ROBO2: variants seen among roughly 807,000 people sequenced by gnomAD.
ROBO2 encodes the protein roundabout homolog 2.
Under a neutral mutation model 160.8 loss-of-function variants are expected in ROBO2, and 53 were observed. That is an observed-to-expected ratio of 0.33 (90% CI 0.26 to 0.41). The LOEUF (loss-of-function observed/expected upper bound fraction) is 0.41, where lower values mean the gene tolerates loss of function less well. Ranked by LOEUF, ROBO2 falls within the 10% of genes least tolerant of loss-of-function variation. The pLI, the probability that ROBO2 is intolerant of heterozygous loss-of-function variation, is 1.00. For missense variants in ROBO2, 1,577 were observed against 1,722.4 expected (o/e 0.92, Z 1.49); for synonymous variants, 664 against 611.7 (o/e 1.09, Z -1.26).
chr3:76,551,106 T>C (rs1042446519), intron 2 of ROBO2, among the ~76,000 whole-genome samples: 1 of 151,778 alleles, frequency 6.6e-6, no homozygotes, highest in African/African-American at 2.4e-5. Context: ...CTTTTTCCAG[T>C]CCCACCCATG....
At chr3:77,400,756 C>G (rs1435927752) in intron 2 of ROBO2, among the ~76,000 whole-genome samples, 1 of 152,080 alleles carries the variant, frequency 6.6e-6, no homozygotes, top group Non-Finnish European at 1.5e-5. Context: ...ATTCTCACAT[C>G]TACTCCATGA....
chr3:76,908,938 A>G (rs562188011), intron 2 of ROBO2, among the ~76,000 whole-genome samples: 1 of 152,162 alleles, frequency 6.6e-6, no homozygotes, highest in Admixed American at 6.5e-5. Flanking sequence ...TTCTTAAAAC[A>G]ATTTCTAGTT....
chr3:76,790,930 T>A (rs1023836266), intron 2 of ROBO2, among the ~76,000 whole-genome samples: 2 of 151,648 alleles, frequency 1.3e-5, no homozygotes, highest in African/African-American at 4.8e-5. Flanking sequence ...TCTTCTTTAG[T>A]TAAATGGGAA....
intron 2 of ROBO2, among the ~76,000 whole-genome samples, chr3:76,208,938 G>A (rs987595392): frequency 6.6e-6 from 1 of 152,010 alleles, no homozygotes; most frequent in African/African-American, 2.4e-5. Context: ...GCATTTGGAG[G>A]TCGTTTTGCA....
chr3:77,230,828 CT>C (rs1167645589), intron 2 of ROBO2, among the ~76,000 whole-genome samples: 1 of 152,070 alleles, frequency 6.6e-6, no homozygotes, highest in Non-Finnish European at 1.5e-5. Context: ...TAAAATTAGA[CT>C]TTTTTAATGC....
chr3:76,435,813 C>CT (rs1404910774), intron 2 of ROBO2, among the ~76,000 whole-genome samples: 4 of 152,094 alleles, frequency 2.6e-5, no homozygotes, highest in African/African-American at 4.8e-5. Context: ...ACTGGTTAAT[C>CT]TTTTTTTAAC....
At chr3:76,032,892 T>A (rs1372109397) in intron 2 of ROBO2, among the ~76,000 whole-genome samples, 1 of 152,152 alleles carries the variant, frequency 6.6e-6, no homozygotes, top group Non-Finnish European at 1.5e-5. Flanking sequence ...ATCACACACA[T>A]TGAAGTTAGT....
intron 2 of ROBO2, among the ~76,000 whole-genome samples, chr3:77,449,722 C>T (rs1259443621): frequency 6.6e-6 from 1 of 152,004 alleles, no homozygotes; most frequent in Non-Finnish European, 1.5e-5. Context: ...ATGACTTCCA[C>T]GTGCTTAGCT....
chr3:76,582,132 C>G (rs917163021), intron 2 of ROBO2, among the ~76,000 whole-genome samples: 1 of 152,102 alleles, frequency 6.6e-6, no homozygotes, highest in Non-Finnish European at 1.5e-5. Flanking sequence ...TGATTTTATT[C>G]TTAACATTAA....
intron 2 of ROBO2, among the ~76,000 whole-genome samples, chr3:76,502,750 C>T (rs771688233): frequency 2.3e-4 from 35 of 152,036 alleles, no homozygotes; most frequent in Non-Finnish European, 4.4e-4. Flanking sequence ...GATTTGAACA[C>T]GGTGGCATAG....
chr3:75,970,894 A>C (rs2064972744), intron 2 of ROBO2, among the ~76,000 whole-genome samples: 1 of 151,238 alleles, frequency 6.6e-6, no homozygotes, highest in Non-Finnish European at 1.5e-5. Flanking sequence ...ATGAATATGA[A>C]ATTAACCTCA....
At chr3:77,399,925 T>C (rs2075640577) in intron 2 of ROBO2, among the ~76,000 whole-genome samples, 1 of 152,104 alleles carries the variant, frequency 6.6e-6, no homozygotes, top group African/African-American at 2.4e-5. Flanking sequence ...AGCTTGACAC[T>C]ATGATGCAGG....
chr3:77,478,779 G>C (rs571231469), intron 3 of ROBO2, among the ~76,000 whole-genome samples: 1 of 152,182 alleles, frequency 6.6e-6, no homozygotes, highest in Admixed American at 6.5e-5. Flanking sequence ...TTTTTCCTCT[G>C]TGCACAGTGA....
chr3:77,308,759 A>G (rs1157600213), intron 2 of ROBO2, among the ~76,000 whole-genome samples: 2 of 152,206 alleles, frequency 1.3e-5, no homozygotes, highest in Non-Finnish European at 2.9e-5. Flanking sequence ...TTACTTGGAC[A>G]TACTGTATTT....
At chr3:76,640,011 A>G (rs1245724474) in intron 2 of ROBO2, among the ~76,000 whole-genome samples, 1 of 152,230 alleles carries the variant, frequency 6.6e-6, no homozygotes, top group African/African-American at 2.4e-5. Context: ...GTTATGATTC[A>G]GCAAGTCTGC....
chr3:76,494,364 G>C (rs940946452), intron 2 of ROBO2, among the ~76,000 whole-genome samples: 2 of 152,120 alleles, frequency 1.3e-5, no homozygotes, highest in African/African-American at 4.8e-5. Flanking sequence ...CATGACACAG[G>C]AGTCTTCAAA....
chr3:76,710,549 T>G (rs535810254), intron 2 of ROBO2, among the ~76,000 whole-genome samples: 7 of 152,158 alleles, frequency 4.6e-5, no homozygotes, highest in African/African-American at 1.7e-4. Context: ...GAAAACTGCC[T>G]TTTGGATTTG....
intron 2 of ROBO2, among the ~76,000 whole-genome samples, chr3:75,957,705 G>GT (rs201505991): frequency 7.0e-4 from 101 of 144,236 alleles, no homozygotes; most frequent in African/African-American, 9.8e-4. Flanking sequence ...TACTAAGAGG[G>GT]TTTTTTTTTT....
intron 2 of ROBO2, among the ~76,000 whole-genome samples, chr3:76,824,208 T>C (rs1245505681): frequency 3.3e-5 from 5 of 152,320 alleles, no homozygotes; most frequent in African/African-American, 1.2e-4. Context: ...TCCCTTCCAT[T>C]TCTACTCCAC....
Sources: gnomAD v4.1 joint callset for allele counts (sites outside exome capture counted in the v4.1 genomes callset) on GRCh38, gnomAD v4.1.1 for gene constraint, MANE v1.5 for transcripts, NCBI Gene and HGNC (gene_info 2026-07-23, HGNC 2026-07-21) for gene names.